Variants in TBC1D12 observed in about 807,000 individuals in gnomAD.
TBC1D12 encodes TBC1 domain family member 12, also known as TBC1 domain family, member 12.
A neutral mutation model predicts 86.7 loss-of-function variants in TBC1D12; 56 were observed. That is an observed-to-expected ratio of 0.65 (90% confidence interval 0.52 to 0.81). The LOEUF is 0.81. TBC1D12 is among the 30% of genes least tolerant of loss of function. TBC1D12 has a pLI of 0.00. For missense variants in TBC1D12, 1,023 were observed against 1,038.8 expected (o/e 0.98, Z 0.21); for synonymous variants, 421 against 411.7 (o/e 1.02, Z -0.27).
intron 1 of TBC1D12, among the ~76,000 whole-genome samples, chr10:94,411,223 A>G (rs1301389339): frequency 6.6e-6 from 1 of 152,144 alleles, no homozygotes; most frequent in Admixed American, 6.5e-5. Flanking sequence ...TCTTTTCTGT[A>G]GCAAATTCTA....
chr10:94,527,160 T>G (rs551694080), intron 11 of TBC1D12, among the ~76,000 whole-genome samples: 2 of 151,790 alleles, frequency 1.3e-5, no homozygotes, highest in South Asian at 4.2e-4. Context: ...TGGCGTGATC[T>G]TGGCTCATTG....
At chr10:94,482,969 A>G (rs1255976839) in intron 3 of TBC1D12, among the ~76,000 whole-genome samples, 2 of 151,666 alleles carry the variant, frequency 1.3e-5, no homozygotes, top group South Asian at 4.2e-4. Context: ...ATTGTTGCAA[A>G]TGACAGGCTC....
At chr10:94,478,483 G>C (rs1453084467) in intron 3 of TBC1D12, among the ~76,000 whole-genome samples, 1 of 151,974 alleles carries the variant, frequency 6.6e-6, no homozygotes, top group African/African-American at 2.4e-5. Flanking sequence ...CAGAGGCAGG[G>C]GCAGACCATG....
At position 94,403,633 on chromosome 10, in the gene TBC1D12, G is replaced by A. The variant is rs558422408; in HGVS notation, c.971+49G>A. 2.8e-6 allele frequency: 4 copies of A among 1,407,922 alleles called. No individual in the cohort carries two copies. The Admixed American group carries it at 1.1e-4, about 38-fold the overall frequency. The allele number at this position is 1,407,922 out of a possible 1,614,324, so 87.2% of individuals were successfully genotyped here. The stretch of plus-strand genomic sequence containing the variant: ...TCGGGGCGGGTCCGGGGCCGGGGCC[G>A]GAGCCGGGGTCTTGGTGGGAGTCGG... On this transcript the variant is annotated intron_variant, in intron 1 of 12. Transcript: ENST00000225235.
intron 1 of TBC1D12, among the ~76,000 whole-genome samples, chr10:94,410,219 T>C (rs2054912198): frequency 6.6e-6 from 1 of 152,188 alleles, no homozygotes; most frequent in African/African-American, 2.4e-5. Flanking sequence ...GGAAATGAGT[T>C]ATGCATGGTA....
At chr10:94,512,859 A>T (rs1331449844) in intron 9 of TBC1D12, among the ~76,000 whole-genome samples, 2 of 152,174 alleles carry the variant, frequency 1.3e-5, no homozygotes, top group Non-Finnish European at 1.5e-5. Context: ...TCACATGTTA[A>T]AGTTGAAGTT....
chr10:94,484,006 A>G (rs993792249), intron 3 of TBC1D12, among the ~76,000 whole-genome samples: 3 of 152,150 alleles, frequency 2.0e-5, no homozygotes, highest in Non-Finnish European at 4.4e-5. Flanking sequence ...ATGATAATCC[A>G]AATTTCCCAG....
At chr10:94,481,014 C>T (rs1004956037) in intron 3 of TBC1D12, among the ~76,000 whole-genome samples, 9 of 149,842 alleles carry the variant, frequency 6.0e-5, no homozygotes, top group Non-Finnish European at 1.0e-4. Context: ...CTAGGTGCAT[C>T]GTTAATAAGC....
intron 3 of TBC1D12, among the ~76,000 whole-genome samples, chr10:94,490,374 A>G (rs1332102805): frequency 6.6e-6 from 1 of 152,240 alleles, no homozygotes; most frequent in Non-Finnish European, 1.5e-5. Context: ...GGTTGCTACA[A>G]ACCTTCAATA....
At chr10:94,506,466 C>T (rs527263792) in intron 6 of TBC1D12, among the ~76,000 whole-genome samples, 8 of 152,124 alleles carry the variant, frequency 5.3e-5, no homozygotes, top group South Asian at 2.1e-4. Flanking sequence ...TTGGGCAAGA[C>T]GTATTTTTTC....
intron 3 of TBC1D12, among the ~76,000 whole-genome samples, chr10:94,477,880 G>A (rs2056015927): frequency 1.3e-5 from 2 of 152,204 alleles, no homozygotes; most frequent in Non-Finnish European, 2.9e-5. Context: ...GGGATGTGAG[G>A]TTGTGCAGAG....
intron 3 of TBC1D12, among the ~76,000 whole-genome samples, chr10:94,490,961 C>T (rs770909304): frequency 6.6e-5 from 10 of 151,852 alleles, no homozygotes; most frequent in Non-Finnish European, 1.5e-4. Flanking sequence ...TCTGCAGCTC[C>T]CTTCTTTTCT....
chr10:94,484,140 A>T (rs190769848), intron 3 of TBC1D12, among the ~76,000 whole-genome samples: 2 of 151,462 alleles, frequency 1.3e-5, no homozygotes, highest in Non-Finnish European at 2.9e-5. Flanking sequence ...CCATTGGTTT[A>T]TGTGTCTATT....
chr10:94,472,548 T>C (rs566641252), intron 2 of TBC1D12, among the ~76,000 whole-genome samples: 28 of 152,330 alleles, frequency 1.8e-4, no homozygotes, highest in Non-Finnish European at 4.0e-4. Context: ...TGGTATTCTG[T>C]TTGGCAGTGA....
At chr10:94,499,011 T>C (rs1174151932) in intron 5 of TBC1D12, among the ~76,000 whole-genome samples, 1 of 152,172 alleles carries the variant, frequency 6.6e-6, no homozygotes, top group African/African-American at 2.4e-5. Flanking sequence ...GTTCAAGCAA[T>C]CTGCCTGCCT....
chr10:94,429,891 G>A (rs944271382), intron 1 of TBC1D12, among the ~76,000 whole-genome samples: 7 of 151,946 alleles, frequency 4.6e-5, no homozygotes, highest in African/African-American at 1.7e-4. Context: ...GTGCCACCAC[G>A]CCTGCCTAAT....
intron 3 of TBC1D12, among the ~76,000 whole-genome samples, chr10:94,486,689 G>T (rs1318835650): frequency 2.0e-5 from 3 of 151,760 alleles, no homozygotes; most frequent in Admixed American, 6.6e-5. Flanking sequence ...TCATTTTTTT[G>T]AATGTTTTAA....
At chr10:94,511,100 T>C (rs890157350) in intron 8 of TBC1D12, among the ~76,000 whole-genome samples, 26 of 141,184 alleles carry the variant, frequency 1.8e-4, no homozygotes, top group South Asian at 1.6e-3. Context: ...TATTTCTTTT[T>C]TTTTTTTTTT....
intron 3 of TBC1D12, among the ~76,000 whole-genome samples, chr10:94,485,938 T>C (rs2056153829): frequency 6.6e-6 from 1 of 152,112 alleles, no homozygotes; most frequent in South Asian, 2.1e-4. Flanking sequence ...TCCTTTGAAT[T>C]TGTGTGGTAT....
Sources: allele counts gnomAD v4.1 joint callset (sites outside exome capture counted in the v4.1 genomes callset), GRCh38; gene constraint gnomAD v4.1.1; transcripts MANE v1.5; gene names NCBI Gene and HGNC (gene_info 2026-07-23, HGNC 2026-07-21).